Variants in PON3 observed in about 807,000 individuals in gnomAD.
PON3 encodes paraoxonase 3.
Under a neutral mutation model 36.3 loss-of-function variants are expected in PON3, and 37 were observed. The ratio of observed to expected loss-of-function variants is 1.02; its 90% CI spans 0.78 to 1.34. The LOEUF (loss-of-function observed/expected upper bound fraction) is 1.34. Ranked by LOEUF, PON3 falls within the 40% of genes most tolerant of loss-of-function variation. The pLI is 0.00. For missense variants in PON3, 415 were observed against 426.5 expected (o/e 0.97, Z 0.24); for synonymous variants, 155 against 154.8 (o/e 1.00, Z -0.01).
intron 5 of PON3, 26 bp from the exon 6 acceptor site, chr7:95,364,089 G>C (rs1265395297): frequency 6.4e-7 from 1 of 1,557,994 alleles, no homozygotes; most frequent in East Asian, 2.2e-5. Context: ...GGTGGAAAAA[G>C]AGACCCATGA....
intron 3 of PON3, among the ~76,000 whole-genome samples, chr7:95,385,153 T>C (rs1809159560): frequency 6.6e-6 from 1 of 151,864 alleles, no homozygotes; most frequent in South Asian, 2.1e-4. Context: ...AATTGAACGA[T>C]GAGAACACTT....
At chr7:95,393,906 T>A (rs1328431921) in intron 2 of PON3, among the ~76,000 whole-genome samples, 2 of 152,050 alleles carry the variant, frequency 1.3e-5, no homozygotes, top group Non-Finnish European at 2.9e-5. Context: ...CGTTTATTAT[T>A]TTTTTTAAGA....
At chr7:95,371,131 T>C (rs925990729) in intron 4 of PON3, among the ~76,000 whole-genome samples, 3 of 152,192 alleles carry the variant, frequency 2.0e-5, no homozygotes, top group Non-Finnish European at 4.4e-5. Context: ...GAGTAGTTCA[T>C]TTCTTTTTAT....
In PON3 at chr7:95,364,075, G is replaced by C. The variant is rs751109568; in HGVS notation, c.495-12C>G. Reference sequence around the variant, plus strand: ...CAATGTCATTCACACTAAAGTGAAAGGGAGGTGGAAAAAGAGACCCATGAG... The same window carrying C: ...CAATGTCATTCACACTAAAGTGAAACGGAGGTGGAAAAAGAGACCCATGAG... On this transcript the variant is annotated splice_polypyrimidine_tract_variant and intron_variant, in intron 5 of 8. Transcript: ENST00000265627. The C allele has an allele frequency of 6.2e-7, 1 of 1,610,630 alleles. No individual in the cohort carries two copies. The highest frequency in any genetic ancestry group is 1.3e-5 in the African/African-American group (1 of 74,836).
At chr7:95,379,607 T>C (rs905807901) in intron 3 of PON3, among the ~76,000 whole-genome samples, 1 of 152,174 alleles carries the variant, frequency 6.6e-6, no homozygotes, top group Non-Finnish European at 1.5e-5. Flanking sequence ...TGCTCATTGC[T>C]AGCACAGCAG....
intron 4 of PON3, among the ~76,000 whole-genome samples, chr7:95,368,397 G>A (rs1340605054): frequency 6.6e-6 from 1 of 152,204 alleles, no homozygotes; most frequent in Non-Finnish European, 1.5e-5. Context: ...AAGGAAAGGT[G>A]CTTGCTCACA....
At chr7:95,381,747 A>T (rs1430844485) in intron 3 of PON3, among the ~76,000 whole-genome samples, 2 of 152,190 alleles carry the variant, frequency 1.3e-5, no homozygotes, top group Non-Finnish European at 2.9e-5. Context: ...CCCACACAAC[A>T]ATAATGGGAG....
intron 6 of PON3, 27 bp downstream of exon 6, chr7:95,363,836 G>A (rs1236487284): frequency 1.9e-6 from 3 of 1,599,504 alleles, no homozygotes; most frequent in East Asian, 2.2e-5. Context: ...AAGGGCAAAG[G>A]ATAGAAAAAT....
intron 1 of PON3, among the ~76,000 whole-genome samples, chr7:95,395,162 A>C (rs17881120): frequency 8.1e-4 from 123 of 152,278 alleles, no homozygotes; most frequent in African/African-American, 2.9e-3. Flanking sequence ...CCTAATAGTC[A>C]AACTCTATCA....
At chr7:95,380,792 A>C (rs1390993968) in intron 3 of PON3, among the ~76,000 whole-genome samples, 1 of 152,244 alleles carries the variant, frequency 6.6e-6, no homozygotes, top group Non-Finnish European at 1.5e-5. Flanking sequence ...GATATTATCC[A>C]GGAGAACTTC....
intron 3 of PON3, among the ~76,000 whole-genome samples, chr7:95,381,264 A>G (rs1451568503): frequency 6.6e-6 from 1 of 152,218 alleles, no homozygotes; most frequent in Non-Finnish European, 1.5e-5. Context: ...AATTGTAAAG[A>G]CCATCGAGGC....
intron 2 of PON3, among the ~76,000 whole-genome samples, chr7:95,391,928 A>G (rs930512444): frequency 2.4e-4 from 36 of 152,250 alleles, no homozygotes; most frequent in African/African-American, 7.5e-4. Context: ...GTTACACAAC[A>G]GAGAGTAAAA....
chr7:95,379,555 T>A (rs1040068834), intron 3 of PON3, among the ~76,000 whole-genome samples: 20 of 152,236 alleles, frequency 1.3e-4, no homozygotes, highest in African/African-American at 4.6e-4. Context: ...CAGGAGATTA[T>A]ATTCCGTGCC....
chr7:95,368,653 A>G (rs1273844462), intron 4 of PON3, among the ~76,000 whole-genome samples: 2 of 152,158 alleles, frequency 1.3e-5, no homozygotes, highest in East Asian at 3.9e-4. Flanking sequence ...CTCTATTTCT[A>G]TATGTAATAT....
intron 6 of PON3, chr7:95,363,483 C>G (rs1021698118): frequency 1.9e-5 from 5 of 263,246 alleles, no homozygotes; most frequent in Non-Finnish European, 3.7e-5. Context: ...AGCCTTCCCT[C>G]TCTCCTAAGA....
At chr7:95,387,720 T>C (rs1334957802) in intron 3 of PON3, among the ~76,000 whole-genome samples, 1 of 152,218 alleles carries the variant, frequency 6.6e-6, no homozygotes, top group Non-Finnish European at 1.5e-5. Context: ...CATTGCTACC[T>C]GACTTCAAAC....
intron 4 of PON3, 35 bp downstream of exon 4, chr7:95,372,138 C>A: frequency 7.5e-6 from 12 of 1,596,982 alleles, no homozygotes; most frequent in Non-Finnish European, 1.0e-5. Flanking sequence ...CTATTTCCCT[C>A]ATTTCCCCCT....
At chr7:95,365,820 T>C (rs530459793) in intron 5 of PON3, 1 of 152,318 alleles carries the variant, frequency 6.6e-6, no homozygotes, top group African/African-American at 2.4e-5. Flanking sequence ...GGCTTGTAGA[T>C]ATATCACTCC....
At chr7:95,385,511 G>A (rs183282675) in intron 3 of PON3, among the ~76,000 whole-genome samples, 27 of 152,142 alleles carry the variant, frequency 1.8e-4, no homozygotes, top group Middle Eastern at 3.4e-3. Context: ...ACAGATGAAC[G>A]AGACAGAAGG....
Sources: gnomAD v4.1 joint callset for allele counts (sites outside exome capture counted in the v4.1 genomes callset) on GRCh38, gnomAD v4.1.1 for gene constraint, MANE v1.5 for transcripts, NCBI Gene and HGNC (gene_info 2026-07-23, HGNC 2026-07-21) for gene names.